Variants in SLC1A1 observed in about 807,000 individuals in gnomAD.
SLC1A1 encodes solute carrier family 1 member 1, also known as excitatory amino acid transporter 3.
SLC1A1 carries 43 observed loss-of-function variants against 53.3 expected under a neutral mutation model. That is an observed-to-expected ratio of 0.81 (90% CI 0.63 to 1.04). The LOEUF is 1.04. Among genes scored for constraint, SLC1A1 ranks in the 50% least tolerant of loss-of-function variants. The pLI is 0.00. For missense variants in SLC1A1, 748 were observed against 664.9 expected (o/e 1.12, Z -1.37); for synonymous variants, 307 against 243.2 (o/e 1.26, Z -2.44).
intron 1 of SLC1A1, among the ~76,000 whole-genome samples, chr9:4,508,451 CT>C (rs1169435305): frequency 6.6e-6 from 1 of 152,164 alleles, no homozygotes; most frequent in African/African-American, 2.4e-5. Context: ...CTGGTCCTAA[CT>C]TTCCCAACTA....
At chr9:4,496,982 G>A (rs1820449099) in intron 1 of SLC1A1, among the ~76,000 whole-genome samples, 2 of 152,136 alleles carry the variant, frequency 1.3e-5, no homozygotes, top group Admixed American at 6.5e-5. Flanking sequence ...GTAGAAGACA[G>A]TGTGAAATGG....
At chr9:4,493,614 G>C (rs938496369) in intron 1 of SLC1A1, among the ~76,000 whole-genome samples, 1 of 152,178 alleles carries the variant, frequency 6.6e-6, no homozygotes, top group Non-Finnish European at 1.5e-5. Flanking sequence ...TCAAATGTTT[G>C]GTCCCTGACC....
Position 4,583,028 on chromosome 9 carries a change from G to A in SLC1A1, c.1194-10G>A, listed in dbSNP as rs566103854. ...TGTCTAACTCCTTTCCTGCTGGTATGTTTCTGCAGTATCACGGCCACATCT... is the reference window on the plus strand; with the variant it reads ...TGTCTAACTCCTTTCCTGCTGGTATATTTCTGCAGTATCACGGCCACATCT... On this transcript the variant is annotated splice_polypyrimidine_tract_variant and intron_variant, in intron 10 of 11. Coordinates refer to ENST00000262352, the MANE Select transcript of SLC1A1 (RefSeq NM_004170.6). The surrounding 1 kb of genome is among the most constrained non-coding windows in gnomAD (Gnocchi z 4.6). 5.5e-5 allele frequency: 89 copies of A among 1,614,238 alleles called. No homozygotes were observed. The highest frequency in any genetic ancestry group is 9.9e-5 in the South Asian group (9 of 91,088).
At chr9:4,524,121 T>A (rs1201037011) in intron 1 of SLC1A1, among the ~76,000 whole-genome samples, 1 of 152,242 alleles carries the variant, frequency 6.6e-6, no homozygotes, top group African/African-American at 2.4e-5. Context: ...TGTTGGCTAA[T>A]TGATCCTATG....
chr9:4,532,553 T>C (rs1185804964), intron 1 of SLC1A1, among the ~76,000 whole-genome samples: 3 of 152,104 alleles, frequency 2.0e-5, no homozygotes, highest in African/African-American at 7.2e-5. Context: ...CCAAGAAATA[T>C]GGGACTATGT....
chr9:4,491,022 T>G (rs754139226), intron 1 of SLC1A1, among the ~76,000 whole-genome samples: 2 of 152,184 alleles, frequency 1.3e-5, no homozygotes, highest in Non-Finnish European at 2.9e-5. Context: ...CTACCCAAAA[T>G]GATCAAAGGG....
intron 1 of SLC1A1, among the ~76,000 whole-genome samples, chr9:4,491,955 G>A (rs1213490545): frequency 6.6e-6 from 1 of 152,230 alleles, no homozygotes; most frequent in Non-Finnish European, 1.5e-5. Context: ...GCATGGAAAT[G>A]GCCTTTGGAA....
intron 1 of SLC1A1, among the ~76,000 whole-genome samples, chr9:4,522,973 C>T (rs1816135314): frequency 6.6e-6 from 1 of 152,172 alleles, no homozygotes; most frequent in Non-Finnish European, 1.5e-5. Flanking sequence ...TGAAGAAACA[C>T]AATCTTTTGA....
intron 1 of SLC1A1, among the ~76,000 whole-genome samples, chr9:4,502,474 A>G (rs1820670310): frequency 6.7e-6 from 1 of 149,648 alleles, no homozygotes; most frequent in Admixed American, 6.6e-5. Flanking sequence ...TTCTCCCTTG[A>G]AAAGTTCTCT....
intron 1 of SLC1A1, among the ~76,000 whole-genome samples, chr9:4,533,588 G>C (rs1816559961): frequency 6.6e-6 from 1 of 152,088 alleles, no homozygotes; most frequent in Non-Finnish European, 1.5e-5. Context: ...CCTAGAAAGA[G>C]ACTTAGACTC....
intron 1 of SLC1A1, among the ~76,000 whole-genome samples, chr9:4,502,796 C>G (rs1820681012): frequency 6.6e-6 from 1 of 151,806 alleles, no homozygotes; most frequent in Non-Finnish European, 1.5e-5. Flanking sequence ...AGGCTTCTTT[C>G]TTGCAAAGTG....
At chr9:4,531,651 G>C (rs540672423) in intron 1 of SLC1A1, among the ~76,000 whole-genome samples, 32 of 152,288 alleles carry the variant, frequency 2.1e-4, no homozygotes, top group Admixed American at 1.5e-3. Flanking sequence ...CCAAACAAAA[G>C]GCAGCAGAAT....
chr9:4,567,845 C>T lies in SLC1A1; in HGVS notation c.582+78C>T, dbSNP rs187722220. 14 of 930,220 alleles carry T rather than the reference C, an allele frequency of 1.5e-5. No individual in the cohort carries two copies. The Admixed American group carries it at 1.9e-4, about 12-fold the overall frequency. The allele number at this position is 930,220 out of a possible 1,614,324, so 57.6% of individuals were successfully genotyped here. A position where few individuals can be genotyped will look rare whatever the true frequency, so the allele number is the denominator to read the frequency against. The stretch of plus-strand genomic sequence containing the variant: ...GACTGAGCAGGAAATACAATCAATC[C>T]TCGTCATTCACAGAATCGCATTTGC... On this transcript the variant is annotated intron_variant, in intron 6 of 11. Coordinates refer to ENST00000262352, the MANE Select transcript of SLC1A1 (RefSeq NM_004170.6).
intron 9 of SLC1A1, 105 bp downstream of exon 9, chr9:4,576,228 T>C (rs1330624258): frequency 4.5e-6 from 5 of 1,108,870 alleles, no homozygotes; most frequent in Non-Finnish European, 6.9e-6. Context: ...GTAGCTGTCT[T>C]TGAGAAATGA....
chr9:4,503,203 T>C (rs944041194), intron 1 of SLC1A1, among the ~76,000 whole-genome samples: 2 of 151,794 alleles, frequency 1.3e-5, no homozygotes, highest in Admixed American at 1.3e-4. Context: ...ACAGTACTCT[T>C]CACTACTGAG....
At chr9:4,492,823 G>T (rs1342701372) in intron 1 of SLC1A1, among the ~76,000 whole-genome samples, 1 of 151,972 alleles carries the variant, frequency 6.6e-6, no homozygotes, top group Non-Finnish European at 1.5e-5. Context: ...AGACTTTGCA[G>T]GATAAACATT....
At chr9:4,572,616 C>T (rs1398009012) in intron 7 of SLC1A1, among the ~76,000 whole-genome samples, 2 of 152,186 alleles carry the variant, frequency 1.3e-5, no homozygotes, top group African/African-American at 2.4e-5. Context: ...GGTGCAATCT[C>T]GGCTCACTGC....
At chr9:4,522,804 G>C (rs1586710227) in intron 1 of SLC1A1, among the ~76,000 whole-genome samples, 1 of 152,022 alleles carries the variant, frequency 6.6e-6, no homozygotes, top group Admixed American at 6.5e-5. Flanking sequence ...ACAACATGTG[G>C]GAGACCCCCA....
At position 4,490,550 on chromosome 9, in the gene SLC1A1, C is replaced by T; in HGVS notation, c.-130C>T. ...GCAACGGCGGTGGTGACGGCGGCGA[C>T]TGCAGCGGCCGGCTCTCACCTCTCC... On this transcript the variant is annotated 5_prime_UTR_variant, in exon 1 of 12. Coordinates refer to ENST00000262352, the MANE Select transcript of SLC1A1 (RefSeq NM_004170.6). The T allele has an allele frequency of 1.8e-6, 1 of 553,084 alleles. No homozygotes were observed. Among genetic ancestry groups the T allele is most frequent in the Non-Finnish European group, 3.0e-6 (1 of 331,296 alleles). The allele number at this position is 553,084 out of a possible 1,614,324, so 34.3% of individuals were successfully genotyped here.
Sources: allele counts gnomAD v4.1 joint callset (sites outside exome capture counted in the v4.1 genomes callset), GRCh38; gene constraint gnomAD v4.1.1; non-coding constraint Gnocchi (gnomAD v3.1); transcripts MANE v1.5; gene names NCBI Gene and HGNC (gene_info 2026-07-23, HGNC 2026-07-21).